Variants in HRC observed in about 807,000 individuals in gnomAD.
HRC encodes sarcoplasmic reticulum histidine-rich calcium-binding protein.
Under a neutral mutation model 61.4 loss-of-function variants are expected in HRC, and 41 were observed. The ratio of observed to expected loss-of-function variants is 0.67; its 90% CI spans 0.52 to 0.87. The LOEUF is 0.87. Ranked by LOEUF, HRC falls within the 40% of genes least tolerant of loss-of-function variation. The pLI is 0.00. For missense variants in HRC, 839 were observed against 885.8 expected (o/e 0.95, Z 0.67); for synonymous variants, 308 against 326.6 (o/e 0.94, Z 0.62).
chr19:49,152,303 G>A lies in HRC; in HGVS notation c.1971+7C>T, dbSNP rs948207195. ...AGTGGAGCCTTGAGTGTGAGGTGAG[G>A]TCTCACCTGGCACTGGTCGCAGTGC... On this transcript the variant is annotated splice_region_variant and intron_variant, in intron 3 of 5. Transcript: ENST00000252825. 1 of 1,604,894 alleles carries A rather than the reference G, an allele frequency of 6.2e-7. No homozygotes were observed. Among genetic ancestry groups the A allele is most frequent in the African/African-American group, 1.3e-5 (1 of 74,692 alleles).
rs1235394017 is a variant in HRC, at chr19:49,152,502, GC to G, written c.1903-125del. ...CTACCCTCTTTATCTCTAACACTGA[GC>G]TCTGTATCTGCCCCCCAAACCAGCC... On this transcript the variant is annotated intron_variant, in intron 2 of 5. Coordinates refer to ENST00000252825, the MANE Select transcript of HRC (RefSeq NM_002152.3). The G allele has an allele frequency of 1.5e-5, 10 of 653,606 alleles. No individual in the cohort carries two copies. The African/African-American group carries it at 1.7e-4, about 11-fold the overall frequency. The allele number at this position is 653,606 out of a possible 1,614,324, so 40.5% of individuals were successfully genotyped here.
At chr19:49,152,665 G>C (rs2041373365) in intron 2 of HRC, among the ~76,000 whole-genome samples, 1 of 151,942 alleles carries the variant, frequency 6.6e-6, no homozygotes, top group Non-Finnish European at 1.5e-5. Flanking sequence ...CGTCTCCCGG[G>C]TTCAAGCGAT....
In HRC at chr19:49,153,489, G is replaced by A; in HGVS notation, c.1749C>T (p.Arg583=). The change falls in exon 1 of 6, where the codon CGC becomes CGT. Residue 583 remains arginine, a synonymous_variant. Coordinates refer to ENST00000252825, the MANE Select transcript of HRC (RefSeq NM_002152.3). The surrounding 1 kb of genome is among the most constrained non-coding windows in gnomAD (Gnocchi z 4.8). The part of the protein sequence containing the change: ...EEEGLEEDEP[R]FTIIPNPLDR... Reference sequence around the variant, plus strand: ...CCAGTGGGTTGGGGATGATGGTGAAGCGGGGCTCATCTTCCTCCAGCCCCT... The same window carrying A: ...CCAGTGGGTTGGGGATGATGGTGAAACGGGGCTCATCTTCCTCCAGCCCCT... The A allele has an allele frequency of 6.3e-7, 1 of 1,590,558 alleles. No homozygotes were observed. The highest frequency in any genetic ancestry group is 8.6e-7 in the Non-Finnish European group (1 of 1,168,250).
chr19:49,151,261 G>C lies in HRC; in HGVS notation c.*35C>G, dbSNP rs1308191164. On this transcript the variant is annotated 3_prime_UTR_variant, in exon 6 of 6. Transcript: ENST00000252825. ...TCGTGGAAAGGGGTTGGAAGGCAGG[G>C]GGAGGTACACCTGCGTCGCAGTCGA... The C allele has an allele frequency of 1.3e-6, 2 of 1,519,864 alleles. No individual in the cohort carries two copies. Among genetic ancestry groups the C allele is most frequent in the Non-Finnish European group, 1.8e-6 (2 of 1,124,868 alleles). 94.1% of individuals were successfully genotyped at this position (1,519,864 alleles called of 1,614,324 possible). A position where few individuals can be genotyped will look rare whatever the true frequency, so the allele number is the denominator to read the frequency against.
In HRC at chr19:49,155,172, G is replaced by A; in HGVS notation, c.66C>T (p.Leu22=). 1 of 1,613,452 alleles carries A rather than the reference G, an allele frequency of 6.2e-7. No homozygotes were observed. Among genetic ancestry groups the A allele is most frequent in the Non-Finnish European group, 8.5e-7 (1 of 1,180,002 alleles). ...TGAGCTGCTGGGTCATGGCCGGGGG[G>A]AGGAGCAGGCTGGCCACCCCAGCCC... ...VLWAGVASLL[L]PPAMTQQLRG... The change falls in exon 1 of 6, where the codon CTC becomes CTT. Residue 22 remains leucine, a synonymous_variant. Transcript: ENST00000252825. The surrounding 1 kb of genome is among the most constrained non-coding windows in gnomAD (Gnocchi z 4.7).
rs2122680845 is a variant in HRC, at chr19:49,151,289, G to A, written c.*7C>T. 6.4e-7 allele frequency: 1 copy of A among 1,550,880 alleles called. No individual in the cohort carries two copies. Among genetic ancestry groups the A allele is most frequent in the Non-Finnish European group, 8.7e-7 (1 of 1,145,574 alleles). On this transcript the variant is annotated 3_prime_UTR_variant, in exon 6 of 6. Transcript: ENST00000252825. Reference sequence around the variant, plus strand: ...AGGTACACCTGCGTCGCAGTCGAGCGACTGGGTCAGGGTTCCGGCGTTTCC... The same window carrying A: ...AGGTACACCTGCGTCGCAGTCGAGCAACTGGGTCAGGGTTCCGGCGTTTCC...
chr19:49,151,262 G>C lies in HRC; in HGVS notation c.*34C>G, dbSNP rs762649692. On this transcript the variant is annotated 3_prime_UTR_variant, in exon 6 of 6. Transcript: ENST00000252825. ...CGTGGAAAGGGGTTGGAAGGCAGGG[G>C]GAGGTACACCTGCGTCGCAGTCGAG... is the stretch of plus-strand genomic sequence containing the variant. The C allele has an allele frequency of 6.6e-7, 1 of 1,523,038 alleles. No homozygotes were observed. Among genetic ancestry groups the C allele is most frequent in the Middle Eastern group, 1.7e-4 (1 of 5,856 alleles). 94.3% of individuals were successfully genotyped at this position (1,523,038 alleles called of 1,614,324 possible).
At position 49,153,885 on chromosome 19, in the gene HRC, G is replaced by A. The variant is rs1030525639; in HGVS notation, c.1353C>T (p.Gly451=). The A allele has an allele frequency of 2.6e-5, 42 of 1,613,982 alleles. No homozygotes were observed. Among genetic ancestry groups the A allele is most frequent in the Non-Finnish European group, 3.1e-5 (37 of 1,180,040 alleles). ...HRQSHQDEET[G]HGQRGSIKEM... is the part of the protein sequence containing the mutation. Reference sequence around the variant, plus strand: ...CTTTGATGGACCCTCTTTGACCATGGCCAGTTTCTTCATCTTGGTGGCTTT... The same window carrying A: ...CTTTGATGGACCCTCTTTGACCATGACCAGTTTCTTCATCTTGGTGGCTTT... Residue 451 remains glycine, a synonymous_variant, in exon 1 of 6, where the codon GGC becomes GGT. Transcript: ENST00000252825. This position sits in a 1 kb window ranked among gnomAD's most constrained non-coding sequence, Gnocchi z 4.8.
At position 49,154,287 on chromosome 19, in the gene HRC, C is replaced by T; in HGVS notation, c.951G>A (p.Gln317=). 1 of 1,613,204 alleles carries T rather than the reference C, an allele frequency of 6.2e-7. No individual in the cohort carries two copies. Among genetic ancestry groups the T allele is most frequent in the Non-Finnish European group, 8.5e-7 (1 of 1,179,728 alleles). Residue 317 remains glutamine, a synonymous_variant, in exon 1 of 6, where the codon CAG becomes CAA. Transcript: ENST00000252825. ...DDDVSTEYGH[Q]AHRHQDHRKE... ...TTCTGTGGTCTTGGTGCCTGTGGGC[C>T]TGGTGTCCATACTCAGTGGAGACAT...
intron 4 of HRC, 77 bp downstream of exon 4, chr19:49,151,927 G>A (rs1388444867): frequency 3.8e-5 from 55 of 1,436,052 alleles, no homozygotes; most frequent in Non-Finnish European, 5.3e-5. Context: ...ACCGGGCCAG[G>A]CTCCGCCCCC....
At chr19:49,152,086 G>A (rs1248727164) in intron 3 of HRC, 28 bp from the exon 4 acceptor site, 6 of 1,607,284 alleles carry the variant, frequency 3.7e-6, no homozygotes, top group Non-Finnish European at 5.1e-6. Flanking sequence ...GAGAGAGAGT[G>A]AGCGTGGGGC....
In HRC at chr19:49,153,919, C is replaced by G; in HGVS notation, c.1319G>C (p.Ser440Thr). ...TTCATCTTGGTGGCTTTGCCTGTGG[C>G]TGGGGGCCTGGTGGCCAAGCTCAGC... Reference protein sequence around the residue: ...VSAELGHQAPSHRQSHQDEET... With the variant: ...VSAELGHQAPTHRQSHQDEET... Residue 440 changes from serine (S) to threonine (T), a missense_variant, in exon 1 of 6, where the codon AGC (serine) becomes ACC (threonine). Physicochemically the swap from Ser to Thr is moderately conservative, Grantham distance 58 (BLOSUM62 1). Transcript: ENST00000252825. This position sits in a 1 kb window ranked among gnomAD's most constrained non-coding sequence, Gnocchi z 4.8. The G allele has an allele frequency of 6.2e-7, 1 of 1,614,112 alleles. No homozygotes were observed. The highest frequency in any genetic ancestry group is 8.5e-7 in the Non-Finnish European group (1 of 1,180,028).
chr19:49,155,028 CT>C lies in HRC; in HGVS notation c.209del (p.Glu70GlyfsTer305), dbSNP rs1203681384. 1 of 1,614,062 alleles carries C rather than the reference CT, an allele frequency of 6.2e-7. No individual in the cohort carries two copies. Among genetic ancestry groups the C allele is most frequent in the Non-Finnish European group, 8.5e-7 (1 of 1,180,046 alleles). Reference sequence around the variant, plus strand: ...CATTCTCTGTGGAAACATCCTTGTTCTCATCTGGATGGTCTCTAGGGCTGTG... The same window carrying C: ...CATTCTCTGTGGAAACATCCTTGTTCCATCTGGATGGTCTCTAGGGCTGTG... ...HLHSPRDHPDENKDVSTENGH... is the reference protein window; with the variant it reads ...HLHSPRDHPDXNKDVSTENGH... On this transcript the variant is annotated frameshift_variant, in exon 1 of 6. Transcript: ENST00000252825. LOFTEE classifies it high-confidence loss of function. The surrounding 1 kb of genome is among the most constrained non-coding windows in gnomAD (Gnocchi z 4.7).
In HRC at chr19:49,154,086, T is replaced by C. The variant is rs918485505; in HGVS notation, c.1152A>G (p.Thr384=). 3.6e-5 allele frequency: 58 copies of C among 1,614,060 alleles called. No individual in the cohort carries two copies. The highest frequency in any genetic ancestry group is 4.7e-5 in the Non-Finnish European group (56 of 1,180,034). Residue 384 remains threonine (T), a synonymous_variant, in exon 1 of 6, where the codon ACA becomes ACG. Transcript: ENST00000252825. ...VDEEEEEEEI[T]VQFGHYVASH... ...TTGCAACATAGTGGCCGAACTGGAC[T>C]GTGATCTCCTCTTCTTCCTCTTCCT...
Position 49,154,397 on chromosome 19 carries a change from C to T in HRC, c.841G>A (p.Asp281Asn). 1 of 1,613,344 alleles carries T rather than the reference C, an allele frequency of 6.2e-7. No individual in the cohort carries two copies. The highest frequency in any genetic ancestry group is 8.5e-7 in the Non-Finnish European group (1 of 1,179,960). ...TGGTGTCCATCTGAGACATCTTCATCCTCTTCAATCCCGTGGCCTTGGTGC... is the reference window on the plus strand; with the variant it reads ...TGGTGTCCATCTGAGACATCTTCATTCTCTTCAATCCCGTGGCCTTGGTGC... ...HRHQGHGIEEDEDVSDGHHHR... is the reference protein window; with the variant it reads ...HRHQGHGIEENEDVSDGHHHR... Residue 281 changes from aspartate to asparagine, a missense_variant, in exon 1 of 6, where the codon GAT becomes AAT. Transcript: ENST00000252825.
intron 5 of HRC, 56 bp downstream of exon 5, chr19:49,151,461 C>T (rs2041357801): frequency 1.3e-6 from 2 of 1,597,240 alleles, no homozygotes; most frequent in African/African-American, 1.3e-5. Flanking sequence ...TAACTCATAG[C>T]GAGACAAGCA....
In HRC at chr19:49,152,029, C is replaced by G; in HGVS notation, c.2001G>C (p.Leu667=). 1.2e-6 allele frequency: 2 copies of G among 1,614,206 alleles called. No individual in the cohort carries two copies. Among genetic ancestry groups the G allele is most frequent in the East Asian group, 2.2e-5 (1 of 44,882 alleles). Residue 667 remains leucine, a synonymous_variant, in exon 4 of 6, where the codon CTG becomes CTC. Transcript: ENST00000252825. ...CTGGAGCGCAGACCGTTTCGCAGAC[C>G]AGCGGGCAGAGATAGCAGAACTGAC... The part of the protein sequence containing the change: ...QHCQFCYLCP[L]VCETVCAPGS...
intron 2 of HRC, 60 bp from the exon 3 acceptor site, chr19:49,152,438 C>T: frequency 1.4e-6 from 2 of 1,414,160 alleles, no homozygotes; most frequent in Non-Finnish European, 2.0e-6. Context: ...AGGTACCCGC[C>T]CCTGGCCCAC....
intron 3 of HRC, 89 bp from the exon 4 acceptor site, chr19:49,152,147 G>A: frequency 7.5e-7 from 1 of 1,332,144 alleles, no homozygotes; most frequent in East Asian, 2.3e-5. Context: ...CGGACCAGAG[G>A]CTAGGTCTAG....
Sources: allele counts gnomAD v4.1 joint callset (sites outside exome capture counted in the v4.1 genomes callset), GRCh38; gene constraint gnomAD v4.1.1; non-coding constraint Gnocchi (gnomAD v3.1); transcripts MANE v1.5; gene names NCBI Gene and HGNC (gene_info 2026-07-23, HGNC 2026-07-21).